Variants in IGF2BP3 observed in about 807,000 individuals in gnomAD.
IGF2BP3 encodes insulin like growth factor 2 mRNA binding protein 3.
A neutral mutation model predicts 73.8 loss-of-function variants in IGF2BP3; 9 were observed. The observed-to-expected ratio is 0.12, with a 90% confidence interval of 0.07 to 0.21. The LOEUF is 0.21. Among genes scored for constraint, IGF2BP3 ranks in the 10% least tolerant of loss-of-function variants. IGF2BP3 has a pLI of 1.00. For synonymous variants in IGF2BP3, 258 were observed against 256.7 expected, an observed-to-expected ratio of 1.01 and a Z score of -0.05; for missense variants, 542 against 714.0, an observed-to-expected ratio of 0.76 and a Z score of 2.75.
intron 2 of IGF2BP3, among the ~76,000 whole-genome samples, chr7:23,441,384 C>A (rs1271812259): frequency 6.6e-6 from 1 of 151,726 alleles, no homozygotes; most frequent in Non-Finnish European, 1.5e-5. Context: ...ACCATCCTGG[C>A]CAACATGGTG....
intron 3 of IGF2BP3, among the ~76,000 whole-genome samples, chr7:23,382,027 G>A (rs1176935044): frequency 2.6e-5 from 4 of 152,074 alleles, no homozygotes; most frequent in African/African-American, 7.2e-5. Context: ...AGGCTGAGGC[G>A]GGAGAATCAC....
At chr7:23,466,195 G>C (rs1053953536) in intron 2 of IGF2BP3, among the ~76,000 whole-genome samples, 2 of 151,980 alleles carry the variant, frequency 1.3e-5, no homozygotes, top group Non-Finnish European at 2.9e-5. Context: ...GCTAATTTTT[G>C]TATTTTTAGT....
At chr7:23,464,320 G>A (rs1330803891) in intron 2 of IGF2BP3, among the ~76,000 whole-genome samples, 2 of 152,184 alleles carry the variant, frequency 1.3e-5, no homozygotes, top group East Asian at 3.8e-4. Context: ...ATGGAAATAA[G>A]TTCTTCACTT....
At chr7:23,378,576 T>TG (rs1291179306) in intron 3 of IGF2BP3, among the ~76,000 whole-genome samples, 1 of 132,588 alleles carries the variant, frequency 7.5e-6, no homozygotes, top group Admixed American at 7.4e-5. Flanking sequence ...CTTGTTTTTT[T>TG]TTTTTTTTTT....
At chr7:23,381,712 G>A (rs1172117135) in intron 3 of IGF2BP3, among the ~76,000 whole-genome samples, 1 of 151,994 alleles carries the variant, frequency 6.6e-6, no homozygotes, top group Non-Finnish European at 1.5e-5. Flanking sequence ...GGAATTACAG[G>A]CACGTACCAC....
At chr7:23,390,798 GCC>G (rs1361988306) in intron 3 of IGF2BP3, among the ~76,000 whole-genome samples, 7 of 143,706 alleles carry the variant, frequency 4.9e-5, no homozygotes, top group Non-Finnish European at 7.6e-5. Context: ...ATTTATTGTT[GCC>G]TTTTTTTTTT....
In IGF2BP3 at chr7:23,337,446, G is replaced by C. The variant is rs141365837; in HGVS notation, c.1203+4618C>G. Among the ~76,000 whole-genome samples, 683 of 152,242 alleles carry C rather than the reference G, an allele frequency of 4.5e-3. 7 individuals carry two copies. Among genetic ancestry groups the C allele is most frequent in the African/African-American group, 0.016 (657 of 41,534 alleles). ...CTTGCTTCCTCTCTTCCAGGCTCTG[G>C]GAGGCTCCTTTAACAGGCAATAGTG... On this transcript the variant is annotated intron_variant, in intron 10 of 14. Transcript: ENST00000258729.
chr7:23,316,071 A>G (rs1305143167), intron 12 of IGF2BP3, among the ~76,000 whole-genome samples: 1 of 152,210 alleles, frequency 6.6e-6, no homozygotes, highest in Non-Finnish European at 1.5e-5. Flanking sequence ...TGACCCTGAG[A>G]GTTTGGGATA....
intron 5 of IGF2BP3, 80 bp downstream of exon 5, chr7:23,361,454 C>T: frequency 1.8e-6 from 2 of 1,139,972 alleles, no homozygotes; most frequent in Non-Finnish European, 2.6e-6. Context: ...ACCAGCCCTT[C>T]TCAGTTGAGA....
At position 23,331,666 on chromosome 7, in the gene IGF2BP3, C is replaced by G. The variant is rs192747853; in HGVS notation, c.1203+10398G>C. Among the ~76,000 whole-genome samples, 84 of 152,160 alleles carry G rather than the reference C, an allele frequency of 5.5e-4. No individual in the cohort carries two copies. In the Middle Eastern group the frequency reaches 0.01, roughly 18 times the overall value. On this transcript the variant is annotated intron_variant, in intron 10 of 14. Transcript: ENST00000258729. ...CCTGAGGTCAGGAGTTCGAGACCAA[C>G]CTGGGCAACATGGTGAAACCCCGTC...
At chr7:23,381,451 C>G (rs1487137535) in intron 3 of IGF2BP3, among the ~76,000 whole-genome samples, 1 of 152,134 alleles carries the variant, frequency 6.6e-6, no homozygotes, top group African/African-American at 2.4e-5. Flanking sequence ...CCAGCAAGCA[C>G]AGAAAGTTGA....
At position 23,312,865 on chromosome 7, in the gene IGF2BP3, T is replaced by A; in HGVS notation, c.1528-17A>T. The stretch of plus-strand genomic sequence containing the variant: ...TTCATTCACCTGAAAGAGATAAATA[T>A]AAATCACATTAAGTGGCAGTTTTAA... On this transcript the variant is annotated splice_polypyrimidine_tract_variant and intron_variant, in intron 13 of 14. Coordinates refer to ENST00000258729, the MANE Select transcript of IGF2BP3 (RefSeq NM_006547.3). The A allele has an allele frequency of 6.5e-7, 1 of 1,534,292 alleles. No homozygotes were observed. The highest frequency in any genetic ancestry group is 1.2e-5 in the South Asian group (1 of 86,406).
intron 3 of IGF2BP3, among the ~76,000 whole-genome samples, chr7:23,362,301 A>G (rs1785249537): frequency 6.6e-6 from 1 of 152,242 alleles, no homozygotes; most frequent in Non-Finnish European, 1.5e-5. Flanking sequence ...TTTATCTATA[A>G]GATGTTCTTT....
intron 3 of IGF2BP3, chr7:23,414,300 G>A (rs1043234652): frequency 1.3e-5 from 2 of 152,122 alleles, no homozygotes; most frequent in Non-Finnish European, 2.9e-5. Context: ...TAAGATATGC[G>A]GTCCAGAGAA....
chr7:23,470,123 T>G lies in IGF2BP3; in HGVS notation c.-13A>C. Reference sequence around the variant, plus strand: ...ACAGTTTGTTCATTGTGAAGAGTGGTTGTTTAAAAAAAAATAACGAGAAAA... The same window carrying G: ...ACAGTTTGTTCATTGTGAAGAGTGGGTGTTTAAAAAAAAATAACGAGAAAA... On this transcript the variant is annotated 5_prime_UTR_variant, in exon 1 of 15. Transcript: ENST00000258729. 6.3e-7 allele frequency: 1 copy of G among 1,575,244 alleles called. No individual in the cohort carries two copies. The highest frequency in any genetic ancestry group is 8.6e-7 in the Non-Finnish European group (1 of 1,162,700).
chr7:23,342,226 A>G (rs886113704), intron 9 of IGF2BP3, 37 bp from the exon 10 acceptor site: 4 of 1,610,326 alleles, frequency 2.5e-6, no homozygotes, highest in Middle Eastern at 1.7e-4. Context: ...TTGACAATTA[A>G]AAGAATCAAG....
chr7:23,335,073 T>TAAAAAAAAAAAAAAAAAAAAAAAAAAA (rs5882898), intron 10 of IGF2BP3, among the ~76,000 whole-genome samples: 1 of 69,196 alleles, frequency 1.4e-5, no homozygotes, highest in Non-Finnish European at 2.7e-5. Flanking sequence ...TCTTTAACAT[T>TAAAAAAAAAAAAAAAAAAAAAAAAAAA]AAAAAAAAAA....
intron 3 of IGF2BP3, chr7:23,362,455 G>A (rs1785254589): frequency 6.6e-6 from 1 of 152,124 alleles, no homozygotes; most frequent in Non-Finnish European, 1.5e-5. Flanking sequence ...GCAAAAGTGT[G>A]AAATGAAGCA....
At chr7:23,442,368 G>T (rs1346266177) in intron 2 of IGF2BP3, among the ~76,000 whole-genome samples, 1 of 151,960 alleles carries the variant, frequency 6.6e-6, no homozygotes, top group Non-Finnish European at 1.5e-5. Flanking sequence ...TAGGTTTTAT[G>T]CAAGGTCAAT....
Sources: allele counts gnomAD v4.1 joint callset (sites outside exome capture counted in the v4.1 genomes callset), GRCh38; gene constraint gnomAD v4.1.1; transcripts MANE v1.5; gene names NCBI Gene and HGNC (gene_info 2026-07-23, HGNC 2026-07-21).